Variants in PCSK5 observed in about 807,000 individuals in gnomAD.
PCSK5 encodes proprotein convertase subtilisin/kexin type 5.
Under a neutral mutation model 233.2 loss-of-function variants are expected in PCSK5, and 129 were observed. The ratio of observed to expected loss-of-function variants is 0.55; its 90% CI spans 0.48 to 0.64. The LOEUF is 0.64. Ranked by LOEUF, PCSK5 falls within the 30% of genes least tolerant of loss-of-function variation. The probability of loss-of-function intolerance (pLI) is 0.00; values close to 1 mark genes in which losing one functional copy is unlikely to be tolerated. For missense variants in PCSK5, 2,076 were observed against 2,430.1 expected (o/e 0.85, Z 3.06); for synonymous variants, 825 against 879.2 (o/e 0.94, Z 1.09).
Position 76,351,476 on chromosome 9 carries a change from GA to G in PCSK5, c.5067+551del, listed in dbSNP as rs375596494. On this transcript the variant is annotated intron_variant, in intron 36 of 37. Coordinates refer to ENST00000674117, the MANE Select transcript of PCSK5 (RefSeq NM_001372043.1). ...AGAAAGAAAGAAAGAAAGAAAGAAAGAAAGAAAGAAAGAAAGAAAGAAAGAA... is the reference window on the plus strand; with the variant it reads ...AGAAAGAAAGAAAGAAAGAAAGAAAGAAGAAAGAAAGAAAGAAAGAAAGAA... Among the ~76,000 whole-genome samples the G allele has an allele frequency of 7.3e-5, 5 of 68,096 alleles. 1 individual carries two copies. Among genetic ancestry groups the G allele is most frequent in the African/African-American group, 2.5e-4 (5 of 19,780 alleles). 44.7% of individuals were successfully genotyped at this position (68,096 alleles called of 152,430 possible).
At chr9:76,282,349 TGTC>T (rs140744474) in intron 24 of PCSK5, among the ~76,000 whole-genome samples, 14 of 127,192 alleles carry the variant, frequency 1.1e-4, no homozygotes, top group African/African-American at 2.8e-4. Flanking sequence ...CCTTTTCTTC[TGTC>T]TTTTTTTTTT....
chr9:75,939,075 C>G (rs913969642), intron 2 of PCSK5, among the ~76,000 whole-genome samples: 18 of 152,208 alleles, frequency 1.2e-4, no homozygotes, highest in African/African-American at 4.1e-4. Flanking sequence ...TTACAAGGCT[C>G]CAAAGAAGGA....
chr9:76,320,908 G>A (rs531824106), intron 30 of PCSK5, among the ~76,000 whole-genome samples: 9 of 147,666 alleles, frequency 6.1e-5, no homozygotes, highest in South Asian at 2.2e-4. Flanking sequence ...TCTGCCTCCC[G>A]AGTTCAAGTG....
chr9:76,117,863 T>C (rs1018342301), intron 9 of PCSK5, among the ~76,000 whole-genome samples: 13 of 152,078 alleles, frequency 8.5e-5, no homozygotes, highest in Non-Finnish European at 1.9e-4. Context: ...AGATTTAAAA[T>C]AGGGAGGTGA....
At chr9:76,264,567 C>G (rs925488342) in intron 24 of PCSK5, among the ~76,000 whole-genome samples, 1 of 151,936 alleles carries the variant, frequency 6.6e-6, no homozygotes. Context: ...CTTAATTCAA[C>G]AAGCAAAATA....
intron 33 of PCSK5, among the ~76,000 whole-genome samples, chr9:76,331,415 C>T (rs1829531058): frequency 2.6e-5 from 4 of 151,776 alleles, no homozygotes; most frequent in African/African-American, 9.7e-5. Flanking sequence ...CGCCTGTAAT[C>T]CCAGCACTTT....
intron 8 of PCSK5, among the ~76,000 whole-genome samples, chr9:76,102,328 T>G: frequency 6.6e-6 from 1 of 152,116 alleles, no homozygotes; most frequent in East Asian, 1.9e-4. Context: ...GCAGTGTTCC[T>G]GTGGGTTTAT....
chr9:76,327,961 C>A, intron 32 of PCSK5, 48 bp from the exon 33 acceptor site: 2 of 1,223,344 alleles, frequency 1.6e-6, no homozygotes, highest in Non-Finnish European at 2.4e-6. Flanking sequence ...CCCACGAGGG[C>A]CACCCTGGCT....
At chr9:76,340,483 T>C (rs1359108270) in intron 35 of PCSK5, among the ~76,000 whole-genome samples, 1 of 151,596 alleles carries the variant, frequency 6.6e-6, no homozygotes, top group Non-Finnish European at 1.5e-5. Context: ...CCATCTCTAC[T>C]AAAATACTAA....
chr9:76,059,830 A>C (rs1829962538), intron 5 of PCSK5, among the ~76,000 whole-genome samples: 1 of 152,190 alleles, frequency 6.6e-6, no homozygotes, highest in South Asian at 2.1e-4. Context: ...AAAAACGTCA[A>C]ATAGAAAAGC....
At chr9:75,896,220 T>G (rs1825796036) in intron 1 of PCSK5, among the ~76,000 whole-genome samples, 1 of 152,174 alleles carries the variant, frequency 6.6e-6, no homozygotes, top group African/African-American at 2.4e-5. Context: ...TCAGAGTGCA[T>G]GGTCTGGTGA....
chr9:76,189,210 A>G lies in PCSK5; in HGVS notation c.2497A>G (p.Lys833Glu), dbSNP rs753521158. ...TGACCACTCTTCAGAGAATGGATAC[A>G]AATCCTGCAAAAAGTAAGTGGATCT... is the stretch of plus-strand genomic sequence containing the variant. ...YFDHSSENGY[K>E]SCKKCDISCL... The change falls in exon 19 of 38, where the codon AAA becomes GAA. Residue 833 changes from lysine (K) to glutamate (E), a missense_variant. Physicochemically the swap from Lys to Glu is moderately conservative, Grantham distance 56. Transcript: ENST00000674117. 1.2e-6 allele frequency: 2 copies of G among 1,612,612 alleles called. No individual in the cohort carries two copies. Among genetic ancestry groups the G allele is most frequent in the South Asian group, 1.1e-5 (1 of 90,998 alleles).
At chr9:76,329,849 A>G (rs1252554830) in intron 33 of PCSK5, among the ~76,000 whole-genome samples, 1 of 152,076 alleles carries the variant, frequency 6.6e-6, no homozygotes, top group Admixed American at 6.6e-5. Flanking sequence ...AAAAGAAAAG[A>G]AAGGAAAAAT....
rs374786942 is a variant in PCSK5 at position 76,006,021 on chromosome 9, CT to C, written c.412-17703del. On this transcript the variant is annotated intron_variant, in intron 3 of 37. Transcript: ENST00000674117. ...GGGGCTAGGAGCACACCACCACGCC[CT>C]TTTTTTTTTTTTTAATTTTTTTCTA... Among the ~76,000 whole-genome samples the C allele has an allele frequency of 2.2e-3, 319 of 142,868 alleles. 1 individual carries two copies. The highest frequency in any genetic ancestry group is 2.8e-3 in the East Asian group (14 of 4,948). The allele number at this position is 142,868 out of a possible 152,430, so 93.7% of individuals were successfully genotyped here.
chr9:76,090,912 A>T (rs1270396296), intron 7 of PCSK5, among the ~76,000 whole-genome samples: 1 of 152,158 alleles, frequency 6.6e-6, no homozygotes, highest in African/African-American at 2.4e-5. Flanking sequence ...ACAGATCATC[A>T]GTCATTAGAT....
chr9:75,999,424 A>T (rs2131423275), intron 3 of PCSK5, among the ~76,000 whole-genome samples: 1 of 152,376 alleles, frequency 6.6e-6, no homozygotes, highest in South Asian at 2.1e-4. Flanking sequence ...ATTTACCCAC[A>T]TATTTATTAA....
At position 76,340,420 on chromosome 9, in the gene PCSK5, C is replaced by T. The variant is rs568504689; in HGVS notation, c.4966+1973C>T. ...CAGCACTTTGGGAGGCTGAGGTGGG[C>T]GGATCACCTGAGGTCAGGAGTTCGA... On this transcript the variant is annotated intron_variant, in intron 35 of 37. Coordinates refer to ENST00000674117, the MANE Select transcript of PCSK5 (RefSeq NM_001372043.1). 1.6e-4 allele frequency among the ~76,000 whole-genome samples: 24 copies of T among 151,760 alleles called. No individual in the cohort carries two copies. The South Asian group carries it at 2.5e-3, about 16-fold the overall frequency.
At chr9:75,959,825 G>T (rs1236683699) in intron 2 of PCSK5, among the ~76,000 whole-genome samples, 2 of 152,208 alleles carry the variant, frequency 1.3e-5, no homozygotes, top group Non-Finnish European at 2.9e-5. Context: ...TGTGCTTAGT[G>T]CAGGGGAGAA....
At chr9:76,279,855 T>C (rs368927645) in intron 24 of PCSK5, among the ~76,000 whole-genome samples, 2,502 of 151,480 alleles carry the variant, frequency 0.017, 55 homozygotes, top group African/African-American at 0.056. Flanking sequence ...TTCTCCCATT[T>C]TGTAGGTTGC....
Sources: allele counts gnomAD v4.1 joint callset (sites outside exome capture counted in the v4.1 genomes callset), GRCh38; gene constraint gnomAD v4.1.1; transcripts MANE v1.5; gene names NCBI Gene and HGNC (gene_info 2026-07-23, HGNC 2026-07-21).